Variants in PVT1 observed in about 807,000 individuals in gnomAD.
PVT1 encodes the protein Pvt1 oncogene, also known as CXCR4/PVT1 fusion.
chr8:127,831,083 ACTC>A (rs1357695980), intron 2 of PVT1, among the ~76,000 whole-genome samples: 1 of 147,586 alleles, frequency 6.8e-6, no homozygotes, highest in East Asian at 2.0e-4. Flanking sequence ...TATAGATAAA[ACTC>A]CTCTTTATAT....
intron 3 of PVT1, among the ~76,000 whole-genome samples, chr8:127,982,641 C>T (rs1490832444): frequency 6.7e-6 from 1 of 148,468 alleles, no homozygotes. Context: ...GAGACTCTGC[C>T]TCTACAAAAA....
In PVT1 at chr8:127,845,663, A is replaced by T. The variant is rs1758637428; in HGVS notation, n.373-44926A>T. On this transcript the variant is annotated intron_variant and non_coding_transcript_variant, in intron 2 of 10. Transcript: ENST00000651587. Reference sequence around the variant, plus strand: ...GGATTATGCAAGTGATATGACCCAGAGCATTCTGGAAGCCGGCAGGGGCAT... The same window carrying T: ...GGATTATGCAAGTGATATGACCCAGTGCATTCTGGAAGCCGGCAGGGGCAT... 2.0e-5 allele frequency among the ~76,000 whole-genome samples: 3 copies of T among 152,192 alleles called. No individual in the cohort carries two copies. In the South Asian group the frequency reaches 6.2e-4, roughly 32 times the overall value.
intron 3 of PVT1, chr8:127,940,501 T>C (rs1291663986): frequency 1.3e-5 from 2 of 152,160 alleles, no homozygotes; most frequent in Admixed American, 1.3e-4. Flanking sequence ...CGAATGCTTT[T>C]TATCCTGCTT....
chr8:128,033,158 G>A (rs903338125), intron 4 of PVT1, among the ~76,000 whole-genome samples: 3 of 152,230 alleles, frequency 2.0e-5, no homozygotes, highest in African/African-American at 7.2e-5. Flanking sequence ...GAAGAGACTA[G>A]CAGGCACCTA....
At chr8:128,053,797 G>C (rs566242660) in intron 4 of PVT1, among the ~76,000 whole-genome samples, 1 of 152,344 alleles carries the variant, frequency 6.6e-6, no homozygotes, top group East Asian at 1.9e-4. Context: ...AGCTGCACCA[G>C]CACAGTGGAC....
In PVT1 at chr8:127,998,818, C is replaced by CCCTTCCTTCCTTCCTTCCTTCCTT. The variant is rs3041894; in HGVS notation, n.912+9534_912+9557dup. Among the ~76,000 whole-genome samples the CCCTTCCTTCCTTCCTTCCTTCCTT allele has an allele frequency of 2.4e-3, 293 of 120,678 alleles. 1 individual carries two copies. Among genetic ancestry groups the CCCTTCCTTCCTTCCTTCCTTCCTT allele is most frequent in the Non-Finnish European group, 2.7e-3 (165 of 60,672 alleles). The allele number at this position is 120,678 out of a possible 152,430, so 79.2% of individuals were successfully genotyped here. On this transcript the variant is annotated intron_variant and non_coding_transcript_variant, in intron 4 of 10. Coordinates refer to ENST00000651587, the Ensembl canonical transcript of PVT1. ...TTTCCTCCTTCCTCTTCTCCTCCTC[C>CCCTTCCTTCCTTCCTTCCTTCCTT]CCTTCCTTCCTTCCTTCCTTCCTTC...
chr8:127,844,814 T>C (rs147495399), intron 2 of PVT1, among the ~76,000 whole-genome samples: 6,646 of 152,108 alleles, frequency 0.044, 520 homozygotes, highest in African/African-American at 0.15. Context: ...CCTGGGTTCA[T>C]GCCATTCTCC....
At chr8:127,955,277 A>G (rs1586454015) in intron 3 of PVT1, among the ~76,000 whole-genome samples, 1 of 152,094 alleles carries the variant, frequency 6.6e-6, no homozygotes, top group Non-Finnish European at 1.5e-5. Flanking sequence ...GCCTCAGGAG[A>G]CACCCAACTG....
At chr8:127,941,116 G>T (rs1044899850) in intron 3 of PVT1, among the ~76,000 whole-genome samples, 1 of 152,172 alleles carries the variant, frequency 6.6e-6, no homozygotes. Context: ...AAGCCTCCTC[G>T]CTAGGCTTGT....
At chr8:127,827,044 G>A (rs1814797738) in intron 2 of PVT1, among the ~76,000 whole-genome samples, 1 of 141,404 alleles carries the variant, frequency 7.1e-6, no homozygotes, top group Non-Finnish European at 1.5e-5. Context: ...TGCCCAGGCT[G>A]GAGTGCAGTG....
At chr8:127,907,347 CA>C (rs2129837426) in intron 3 of PVT1, among the ~76,000 whole-genome samples, 1 of 152,306 alleles carries the variant, frequency 6.6e-6, no homozygotes, top group Admixed American at 6.5e-5. Context: ...CTGTAAATGA[CA>C]GGGCTCTGGT....
At chr8:128,098,308 AT>A (rs1361249581) in intron 6 of PVT1, among the ~76,000 whole-genome samples, 1 of 152,086 alleles carries the variant, frequency 6.6e-6, no homozygotes, top group Non-Finnish European at 1.5e-5. Context: ...ATCTCGGGAG[AT>A]TCTGAACTTC....
At chr8:127,991,291 C>G (rs1817037676) in intron 4 of PVT1, among the ~76,000 whole-genome samples, 1 of 151,904 alleles carries the variant, frequency 6.6e-6, no homozygotes, top group Non-Finnish European at 1.5e-5. Context: ...TACAGGTGCC[C>G]ACCACCACGC....
At chr8:128,090,043 C>T (rs180876529) in intron 5 of PVT1, among the ~76,000 whole-genome samples, 94 of 152,262 alleles carry the variant, frequency 6.2e-4, no homozygotes, top group African/African-American at 2.3e-3. Context: ...GCAAAGAAAA[C>T]CAATTGTGTT....
At chr8:127,936,031 TC>T (rs1168408624) in intron 3 of PVT1, among the ~76,000 whole-genome samples, 37 of 142,964 alleles carry the variant, frequency 2.6e-4, no homozygotes, top group African/African-American at 8.9e-4. Flanking sequence ...TCTCTCTCTC[TC>T]TCTTTTTTTT....
Position 128,071,742 on chromosome 8 carries a change from G to A in PVT1, n.1114+1381G>A, listed in dbSNP as rs147783628. 4.9e-5 allele frequency among the ~76,000 whole-genome samples: 7 copies of A among 141,446 alleles called. No homozygotes were observed. The East Asian group carries it at 6.6e-4, about 13-fold the overall frequency. The allele number at this position is 141,446 out of a possible 152,430, so 92.8% of individuals were successfully genotyped here. Reference sequence around the variant, plus strand: ...AATAAAAATAAAAGAAATGGAAACCGTATAGTTATAATTTGTTGAGCACTT... The same window carrying A: ...AATAAAAATAAAAGAAATGGAAACCATATAGTTATAATTTGTTGAGCACTT... On this transcript the variant is annotated intron_variant and non_coding_transcript_variant, in intron 5 of 10. Coordinates refer to ENST00000651587, the Ensembl canonical transcript of PVT1.
At chr8:127,825,117 T>TAAAAAAAAAAAAAAAAAAAA (rs58377389) in intron 2 of PVT1, among the ~76,000 whole-genome samples, 1 of 81,058 alleles carries the variant, frequency 1.2e-5, no homozygotes, top group Non-Finnish European at 2.3e-5. Flanking sequence ...AAACACTAGC[T>TAAAAAAAAAAAAAAAAAAAA]AAAAAAAAAA....
At chr8:127,813,417 A>G (rs1814624269) in intron 2 of PVT1, among the ~76,000 whole-genome samples, 1 of 151,992 alleles carries the variant, frequency 6.6e-6, no homozygotes, top group Non-Finnish European at 1.5e-5. Flanking sequence ...CTGAACTAAG[A>G]AAAGTGTGCA....
At chr8:127,951,687 G>A (rs1279680161) in intron 3 of PVT1, among the ~76,000 whole-genome samples, 2 of 152,184 alleles carry the variant, frequency 1.3e-5, no homozygotes, top group Admixed American at 6.5e-5. Flanking sequence ...GGGAAGAACT[G>A]TTTGCCCTAT....
Sources: allele counts gnomAD v4.1 joint callset (sites outside exome capture counted in the v4.1 genomes callset), GRCh38; gene constraint gnomAD v4.1.1; transcripts MANE v1.5; gene names NCBI Gene and HGNC (gene_info 2026-07-23, HGNC 2026-07-21).